The following AGBL1 variants were observed in gnomAD, a reference collection of about 807,000 sequenced individuals.
The protein encoded by AGBL1 is cytosolic carboxypeptidase 4.
AGBL1 carries 130 observed loss-of-function variants against 118.9 expected under a neutral mutation model. The ratio of observed to expected loss-of-function variants is 1.09; its 90% CI spans 0.95 to 1.26. The LOEUF (loss-of-function observed/expected upper bound fraction) is 1.26. Among genes scored for constraint, AGBL1 ranks in the 50% most tolerant of loss-of-function variants. AGBL1 has a pLI of 0.00. For missense variants in AGBL1, 1,584 were observed against 1,298.1 expected (o/e 1.22, Z -3.38); for synonymous variants, 555 against 478.9 (o/e 1.16, Z -2.08).
chr15:86,259,938 C>T (rs551876630), intron 9 of AGBL1, among the ~76,000 whole-genome samples: 139 of 152,296 alleles, frequency 9.1e-4, no homozygotes, highest in Non-Finnish European at 1.6e-3. Context: ...CCTTGGCCCA[C>T]GCTTTGCAGA....
chr15:86,103,167 C>G (rs1416279501), intron 1 of AGBL1, among the ~76,000 whole-genome samples: 1 of 151,968 alleles, frequency 6.6e-6, no homozygotes, highest in Non-Finnish European at 1.5e-5. Context: ...TTATATCTAT[C>G]TTTTTGGTAA....
intron 24 of AGBL1, among the ~76,000 whole-genome samples, chr15:86,989,363 G>A (rs1044651026): frequency 4.6e-5 from 7 of 151,990 alleles, no homozygotes; most frequent in Middle Eastern, 3.2e-3. Context: ...TGGATTTTTG[G>A]TAGATTATCT....
intron 23 of AGBL1, among the ~76,000 whole-genome samples, chr15:86,948,102 T>A (rs1001508639): frequency 6.6e-6 from 1 of 151,930 alleles, no homozygotes; most frequent in African/African-American, 2.4e-5. Flanking sequence ...GAAGCAAAAA[T>A]AGAACCAAGA....
At chr15:86,444,383 T>A (rs1314437360) in intron 18 of AGBL1, among the ~76,000 whole-genome samples, 2 of 152,192 alleles carry the variant, frequency 1.3e-5, no homozygotes, top group Non-Finnish European at 2.9e-5. Context: ...GGGTTAGCCC[T>A]ACCTGGATTC....
At chr15:86,168,178 G>C (rs1468876204) in intron 5 of AGBL1, among the ~76,000 whole-genome samples, 1 of 152,136 alleles carries the variant, frequency 6.6e-6, no homozygotes, top group East Asian at 1.9e-4. Flanking sequence ...GGATTGTATT[G>C]ATACATGCAC....
intron 22 of AGBL1, among the ~76,000 whole-genome samples, chr15:86,762,445 TAA>T (rs1299919265): frequency 6.6e-6 from 1 of 152,024 alleles, no homozygotes; most frequent in Non-Finnish European, 1.5e-5. Context: ...TGTGAAATAG[TAA>T]AGAGTCATGT....
intron 23 of AGBL1, among the ~76,000 whole-genome samples, chr15:86,933,220 G>C (rs1187025574): frequency 1.3e-5 from 2 of 152,162 alleles, no homozygotes; most frequent in Non-Finnish European, 2.9e-5. Flanking sequence ...CAGGCTGGCT[G>C]TCCCTGTTCA....
chr15:86,196,880 CACACACA>C (rs1567119182), intron 5 of AGBL1, among the ~76,000 whole-genome samples: 3 of 25,914 alleles, frequency 1.2e-4, no homozygotes, highest in African/African-American at 4.4e-4. Context: ...CGCGCGCGCG[CACACACA>C]CACACACACA....
chr15:86,146,414 C>T (rs964787559), intron 3 of AGBL1, among the ~76,000 whole-genome samples: 1 of 152,096 alleles, frequency 6.6e-6, no homozygotes, highest in Non-Finnish European at 1.5e-5. Context: ...CATTTTATAT[C>T]AGGGACTTGA....
intron 22 of AGBL1, among the ~76,000 whole-genome samples, chr15:86,853,502 A>G (rs894520258): frequency 1.3e-5 from 2 of 152,188 alleles, no homozygotes; most frequent in Non-Finnish European, 2.9e-5. Context: ...CTTTAAAGAA[A>G]TTAAAGAACT....
chr15:86,314,133 G>A (rs2079962086), intron 17 of AGBL1, among the ~76,000 whole-genome samples: 1 of 152,202 alleles, frequency 6.6e-6, no homozygotes, highest in African/African-American at 2.4e-5. Flanking sequence ...TTTGAGGTTT[G>A]GATATGCCCA....
At chr15:87,028,948 T>C (rs901262490) in exon 25 of AGBL1, 12 of 1,279,452 alleles carry the variant, frequency 9.4e-6, no homozygotes, top group South Asian at 6.2e-5. Context: ...ACATGTCTTA[T>C]GGAAAATGTT....
intron 11 of AGBL1, 123 bp from the exon 12 acceptor site, chr15:86,266,251 T>A: frequency 1.7e-6 from 1 of 592,786 alleles, no homozygotes; most frequent in East Asian, 3.0e-5. Context: ...TGAGGTGTTA[T>A]TAAACTTCTC....
At chr15:86,996,758 T>A (rs868615253) in intron 24 of AGBL1, among the ~76,000 whole-genome samples, 1 of 152,214 alleles carries the variant, frequency 6.6e-6, no homozygotes, top group African/African-American at 2.4e-5. Context: ...AAAGCATGGT[T>A]TTGACTGATA....
chr15:86,622,173 C>CA lies in AGBL1; in HGVS notation c.2995-52093dup, dbSNP rs543730517. Among the ~76,000 whole-genome samples the CA allele has an allele frequency of 1.6e-3, 243 of 151,932 alleles. 1 individual carries two copies. The highest frequency in any genetic ancestry group is 5.6e-3 in the African/African-American group (234 of 41,446). Reference sequence around the variant, plus strand: ...TGAAACGTTGTCTCTACTAAAAATACAAAAAAATTAGCTAAGCGTGGTGCT... The same window carrying CA: ...TGAAACGTTGTCTCTACTAAAAATACAAAAAAAATTAGCTAAGCGTGGTGCT... On this transcript the variant is annotated intron_variant, in intron 21 of 22. Coordinates refer to ENST00000614907, the MANE Select transcript of AGBL1 (RefSeq NM_001386094.1).
At chr15:86,515,170 G>C (rs1596211380) in intron 18 of AGBL1, among the ~76,000 whole-genome samples, 1 of 152,146 alleles carries the variant, frequency 6.6e-6, no homozygotes, top group Non-Finnish European at 1.5e-5. Flanking sequence ...CTTCTTTACT[G>C]ATTTGCATGC....
At chr15:86,105,608 G>A (rs936860318) in intron 1 of AGBL1, among the ~76,000 whole-genome samples, 5 of 152,184 alleles carry the variant, frequency 3.3e-5, no homozygotes, top group Non-Finnish European at 7.3e-5. Context: ...GGAAAGAAGA[G>A]GAGAACAGCA....
At chr15:86,675,911 A>G (rs893399535) in intron 22 of AGBL1, among the ~76,000 whole-genome samples, 12 of 152,204 alleles carry the variant, frequency 7.9e-5, no homozygotes, top group African/African-American at 2.9e-4. Context: ...TGCAAACTGG[A>G]ACAAAAAGAA....
intron 18 of AGBL1, among the ~76,000 whole-genome samples, chr15:86,477,416 C>G (rs1446676271): frequency 2.0e-5 from 3 of 152,188 alleles, no homozygotes; most frequent in Non-Finnish European, 4.4e-5. Context: ...ACCGATTCCA[C>G]AGAAATACAA....
Sources: allele counts gnomAD v4.1 joint callset (sites outside exome capture counted in the v4.1 genomes callset), GRCh38; gene constraint gnomAD v4.1.1; transcripts MANE v1.5; gene names NCBI Gene and HGNC (gene_info 2026-07-23, HGNC 2026-07-21).